The following MYO5A variants were observed in gnomAD, a reference collection of about 807,000 sequenced individuals.
The protein encoded by MYO5A is myosin VA, also known as unconventional myosin-Va.
In MYO5A, 98 loss-of-function variants were observed where a neutral mutation model predicts 249.7. The ratio of observed to expected loss-of-function variants is 0.39; its 90% CI spans 0.33 to 0.46. MYO5A has a LOEUF of 0.46. MYO5A is among the 20% of genes least tolerant of loss of function. MYO5A has a pLI of 0.98. For missense variants in MYO5A, 1,696 were observed against 2,308.8 expected (o/e 0.73, Z 5.44); for synonymous variants, 778 against 810.6 (o/e 0.96, Z 0.68).
At chr15:52,508,497 T>C (rs1483045268) in intron 1 of MYO5A, among the ~76,000 whole-genome samples, 1 of 152,176 alleles carries the variant, frequency 6.6e-6, no homozygotes, top group Non-Finnish European at 1.5e-5. Context: ...ATATTAGTCC[T>C]ATGTGTTCTA....
At chr15:52,321,895 T>C (rs1171894817) in intron 37 of MYO5A, among the ~76,000 whole-genome samples, 1 of 152,146 alleles carries the variant, frequency 6.6e-6, no homozygotes, top group Non-Finnish European at 1.5e-5. Flanking sequence ...TTCAGTTCTT[T>C]ATAGTCCTAT....
rs1627627 is a variant in MYO5A, at chr15:52,449,427, A to C, written c.28-16142T>G. Among the ~76,000 whole-genome samples the C allele has an allele frequency of 7.0e-4, 107 of 152,202 alleles. 1 individual carries two copies. The East Asian group carries it at 0.02, about 29-fold the overall frequency. On this transcript the variant is annotated intron_variant, in intron 1 of 41. Coordinates refer to ENST00000399233, the MANE Select transcript of MYO5A (RefSeq NM_001382347.1). ...ACTGCAAACACCAGCTGGTTTCTCC[A>C]TATCTATCTCTACTCAAATTGCCCA...
At chr15:52,355,437 C>T (rs1192006796) in intron 25 of MYO5A, among the ~76,000 whole-genome samples, 3 of 152,192 alleles carry the variant, frequency 2.0e-5, no homozygotes, top group African/African-American at 4.8e-5. Flanking sequence ...TTTAACAAAA[C>T]GCTGCTTGGT....
At chr15:52,505,110 G>T in intron 1 of MYO5A, 1 of 649,830 alleles carries the variant, frequency 1.5e-6, no homozygotes, top group Admixed American at 2.6e-5. Context: ...TGCAACAAAA[G>T]GTCCAAGGAC....
intron 24 of MYO5A, among the ~76,000 whole-genome samples, chr15:52,361,385 A>C (rs2040517227): frequency 6.6e-6 from 1 of 152,210 alleles, no homozygotes; most frequent in South Asian, 2.1e-4. Flanking sequence ...AAAATGAGAG[A>C]GATCCCTGTC....
intron 1 of MYO5A, among the ~76,000 whole-genome samples, chr15:52,486,709 C>T (rs2076827645): frequency 6.6e-6 from 1 of 152,076 alleles, no homozygotes; most frequent in Non-Finnish European, 1.5e-5. Context: ...GACTATGTTA[C>T]AAAGGAGAGC....
In MYO5A at chr15:52,384,047, G is replaced by C. The variant is rs548854433; in HGVS notation, c.1914+114C>G. On this transcript the variant is annotated intron_variant, in intron 15 of 41. Transcript: ENST00000399233. Reference sequence around the variant, plus strand: ...GGTGTCGTATGATCTCACAGTGAAAGCTCTAGGCTCTCCTCACCTGAGGAT... The same window carrying C: ...GGTGTCGTATGATCTCACAGTGAAACCTCTAGGCTCTCCTCACCTGAGGAT... 4.0e-5 allele frequency: 52 copies of C among 1,286,840 alleles called. No individual in the cohort carries two copies. The Admixed American group carries it at 6.9e-4, about 17-fold the overall frequency. The allele number at this position is 1,286,840 out of a possible 1,614,324, so 79.7% of individuals were successfully genotyped here. A position where few individuals can be genotyped will look rare whatever the true frequency, so the allele number is the denominator to read the frequency against.
At chr15:52,455,170 A>G (rs999525042) in intron 1 of MYO5A, among the ~76,000 whole-genome samples, 2 of 152,092 alleles carry the variant, frequency 1.3e-5, no homozygotes, top group Non-Finnish European at 2.9e-5. Flanking sequence ...GAATCATTAG[A>G]GACATTATAA....
Position 52,319,403 on chromosome 15 carries a change from T to C in MYO5A, c.4952-61A>G, listed in dbSNP as rs569583577. The C allele has an allele frequency of 3.7e-6, 5 of 1,336,980 alleles. No individual in the cohort carries two copies. The East Asian group carries it at 9.5e-5, about 25-fold the overall frequency. The allele number at this position is 1,336,980 out of a possible 1,614,324, so 82.8% of individuals were successfully genotyped here. ...TGGAAGGGAACCTTTCATGTGCACA[T>C]ATCCATGTGCACAAACACATGCACA... is the stretch of plus-strand genomic sequence containing the variant. On this transcript the variant is annotated intron_variant, in intron 38 of 41. Transcript: ENST00000399233.
chr15:52,338,758 T>C (rs986172186), intron 32 of MYO5A, among the ~76,000 whole-genome samples: 15 of 152,184 alleles, frequency 9.9e-5, no homozygotes, highest in African/African-American at 2.4e-4. Context: ...AAAAAATTAA[T>C]ATTGCAAACA....
chr15:52,367,920 G>C (rs2040896516), intron 22 of MYO5A, among the ~76,000 whole-genome samples: 1 of 132,072 alleles, frequency 7.6e-6, no homozygotes, highest in African/African-American at 3.2e-5. Flanking sequence ...CACACAAGTT[G>C]ACTCTTAACT....
rs1176342971 is a variant in MYO5A, at chr15:52,313,643, GGTTCTT to G, written c.*47_*52del. ...TTTCAGTAACTCACTGGAAATAATG[GGTTCTT>G]ATTTCGGGCAAGAAATGTATTGTCA... On this transcript the variant is annotated 3_prime_UTR_variant, in exon 42 of 42. Transcript: ENST00000399233. 3.1e-6 allele frequency: 5 copies of G among 1,590,836 alleles called. No homozygotes were observed. The African/African-American group carries it at 6.7e-5, about 21-fold the overall frequency.
At chr15:52,381,397 T>A (rs1043312902) in intron 16 of MYO5A, among the ~76,000 whole-genome samples, 23 of 151,030 alleles carry the variant, frequency 1.5e-4, no homozygotes, top group South Asian at 1.3e-3. Context: ...GGCACGGGGG[T>A]AGGGAAAAGG....
Position 52,358,379 on chromosome 15 carries a change from G to A in MYO5A, c.3423+1589C>T, listed in dbSNP as rs139105135. ...CCTAAAACCTTCCTATCTACTGAAG[G>A]CTCAGAAGTCCTAATTTTTAAATCT... On this transcript the variant is annotated intron_variant, in intron 25 of 41. Transcript: ENST00000399233. Among the ~76,000 whole-genome samples, 65 of 152,192 alleles carry A rather than the reference G, an allele frequency of 4.3e-4. 1 individual carries two copies. The East Asian group carries it at 6.8e-3, about 16-fold the overall frequency.
intron 1 of MYO5A, among the ~76,000 whole-genome samples, chr15:52,526,515 C>T (rs1312314308): frequency 6.6e-6 from 1 of 152,136 alleles, no homozygotes; most frequent in Non-Finnish European, 1.5e-5. Flanking sequence ...GCATGCGCCA[C>T]CACGCCCAGC....
At chr15:52,335,946 T>A (rs940479635) in intron 34 of MYO5A, among the ~76,000 whole-genome samples, 6 of 152,126 alleles carry the variant, frequency 3.9e-5, no homozygotes, top group African/African-American at 1.5e-4. Context: ...ATTAGGTTGA[T>A]GCAAAGGCAT....
intron 1 of MYO5A, among the ~76,000 whole-genome samples, chr15:52,473,745 GTCTATATC>G (rs1176406369): frequency 1.3e-5 from 2 of 152,038 alleles, no homozygotes; most frequent in Non-Finnish European, 2.9e-5. Context: ...TGTTCCATTG[GTCTATATC>G]TCTGTTTTGG....
intron 1 of MYO5A, among the ~76,000 whole-genome samples, chr15:52,508,649 C>A (rs2077325067): frequency 6.6e-6 from 1 of 152,104 alleles, no homozygotes; most frequent in Admixed American, 6.5e-5. Flanking sequence ...AAAACATTAA[C>A]CCTGTTTACT....
intron 1 of MYO5A, among the ~76,000 whole-genome samples, chr15:52,501,876 TAC>T (rs10552352): frequency 0.53 from 74,668 of 140,206 alleles, 19,218 homozygotes; most frequent in East Asian, 0.66. Context: ...ATACATATAC[TAC>T]ACACACACAC....
Sources: allele counts gnomAD v4.1 joint callset (sites outside exome capture counted in the v4.1 genomes callset), GRCh38; gene constraint gnomAD v4.1.1; transcripts MANE v1.5; gene names NCBI Gene and HGNC (gene_info 2026-07-23, HGNC 2026-07-21).